Variants in CDH9 observed in about 807,000 individuals in gnomAD.
The protein encoded by CDH9 is cadherin 9.
A neutral mutation model predicts 70.9 loss-of-function variants in CDH9; 28 were observed. The ratio of observed to expected loss-of-function variants is 0.40; its 90% CI spans 0.29 to 0.54. The LOEUF (loss-of-function observed/expected upper bound fraction) is 0.54, where lower values mean the gene tolerates loss of function less well. Ranked by LOEUF, CDH9 falls within the 20% of genes least tolerant of loss-of-function variation. The pLI is 0.59. For synonymous variants in CDH9, 409 were observed against 343.1 expected (o/e 1.19, Z -2.12); for missense variants, 874 against 984.4 (o/e 0.89, Z 1.50).
At chr5:26,897,699 C>A (rs1378727553) in intron 7 of CDH9, among the ~76,000 whole-genome samples, 1 of 152,090 alleles carries the variant, frequency 6.6e-6, no homozygotes, top group Non-Finnish European at 1.5e-5. Context: ...ATGACAAACC[C>A]ACAGCCAATA....
At chr5:27,015,007 A>G (rs560995899) in intron 1 of CDH9, among the ~76,000 whole-genome samples, 1 of 152,076 alleles carries the variant, frequency 6.6e-6, no homozygotes, top group South Asian at 2.1e-4. Flanking sequence ...GTGCTTTAGA[A>G]GACTGCGATG....
intron 2 of CDH9, among the ~76,000 whole-genome samples, chr5:26,947,704 T>TCTA (rs1741777778): frequency 6.6e-6 from 1 of 152,050 alleles, no homozygotes; most frequent in Admixed American, 6.6e-5. Context: ...GAAATGCTGT[T>TCTA]TTAGAGAGCA....
intron 7 of CDH9, among the ~76,000 whole-genome samples, chr5:26,901,658 C>G (rs1226145475): frequency 2.0e-5 from 3 of 151,742 alleles, no homozygotes; most frequent in Non-Finnish European, 4.4e-5. Context: ...TATTGTCTAT[C>G]TCTTCAGCTG....
At chr5:26,913,936 A>G (rs910518911) in intron 3 of CDH9, among the ~76,000 whole-genome samples, 1 of 152,202 alleles carries the variant, frequency 6.6e-6, no homozygotes, top group East Asian at 1.9e-4. Flanking sequence ...TAGTCCATTA[A>G]GTATCAGAAA....
chr5:26,900,290 C>T (rs1740830972), intron 7 of CDH9, among the ~76,000 whole-genome samples: 1 of 152,024 alleles, frequency 6.6e-6, no homozygotes, highest in Non-Finnish European at 1.5e-5. Context: ...TCTGTGCAAA[C>T]TCTTTCAGAA....
At chr5:26,948,145 A>T (rs762333769) in intron 2 of CDH9, among the ~76,000 whole-genome samples, 7 of 152,334 alleles carry the variant, frequency 4.6e-5, no homozygotes, top group South Asian at 2.1e-4. Flanking sequence ...CTTAAAGTCC[A>T]AACAGTCTAC....
chr5:26,922,542 A>G (rs1741263304), intron 2 of CDH9, among the ~76,000 whole-genome samples: 1 of 152,078 alleles, frequency 6.6e-6, no homozygotes, highest in African/African-American at 2.4e-5. Context: ...TAGACAAACA[A>G]AAGTCAGGGG....
At chr5:26,957,563 G>A (rs1410551483) in intron 2 of CDH9, among the ~76,000 whole-genome samples, 1 of 152,106 alleles carries the variant, frequency 6.6e-6, no homozygotes. Context: ...TCAGGAGGCT[G>A]AGGAAGGAGA....
chr5:26,960,301 T>A (rs1199781118), intron 2 of CDH9, among the ~76,000 whole-genome samples: 1 of 151,980 alleles, frequency 6.6e-6, no homozygotes, highest in Non-Finnish European at 1.5e-5. Flanking sequence ...ATCTAAAAAT[T>A]ATGAATTAAA....
chr5:26,987,030 C>A (rs1742498375), intron 2 of CDH9, among the ~76,000 whole-genome samples: 1 of 149,804 alleles, frequency 6.7e-6, no homozygotes, highest in South Asian at 2.1e-4. Flanking sequence ...TTTCACAGAG[C>A]AAATGTATTC....
At chr5:27,006,170 A>G (rs1473873053) in intron 1 of CDH9, among the ~76,000 whole-genome samples, 11 of 152,154 alleles carry the variant, frequency 7.2e-5, no homozygotes, top group Admixed American at 7.2e-4. Context: ...CGAACCTATA[A>G]TAAAAGTTTT....
intron 2 of CDH9, among the ~76,000 whole-genome samples, chr5:26,947,868 A>T (rs778573571): frequency 1.5e-4 from 23 of 152,190 alleles, no homozygotes; most frequent in Non-Finnish European, 2.6e-4. Context: ...TGGCCAAGAC[A>T]CAGCAGGCTG....
At chr5:27,011,481 C>T (rs1579511680) in intron 1 of CDH9, among the ~76,000 whole-genome samples, 3 of 152,066 alleles carry the variant, frequency 2.0e-5, no homozygotes, top group Admixed American at 2.0e-4. Flanking sequence ...CTAGAAAAGA[C>T]AAAGAAAGAT....
intron 2 of CDH9, among the ~76,000 whole-genome samples, chr5:26,936,245 T>A (rs1216853494): frequency 6.6e-6 from 1 of 152,116 alleles, no homozygotes; most frequent in African/African-American, 2.4e-5. Flanking sequence ...GCCATTTAAA[T>A]AAAAATTTTT....
At chr5:26,891,096 A>G (rs1030436283) in intron 7 of CDH9, among the ~76,000 whole-genome samples, 2 of 152,150 alleles carry the variant, frequency 1.3e-5, no homozygotes, top group African/African-American at 4.8e-5. Context: ...CTTATTTCAA[A>G]TCAAAATGAA....
chr5:26,955,602 CTCTG>C (rs199627131), intron 2 of CDH9, among the ~76,000 whole-genome samples: 5,338 of 144,458 alleles, frequency 0.037, 335 homozygotes, highest in African/African-American at 0.14. Context: ...CTCTCTCTCT[CTCTG>C]TGTGTGTTTC....
At chr5:26,888,342 T>C (rs1469834249) in intron 9 of CDH9, among the ~76,000 whole-genome samples, 2 of 152,148 alleles carry the variant, frequency 1.3e-5, no homozygotes, top group Non-Finnish European at 2.9e-5. Flanking sequence ...TACCAGGTGG[T>C]AAACAAGCAA....
intron 2 of CDH9, among the ~76,000 whole-genome samples, chr5:26,929,345 G>A (rs10040525): frequency 0.096 from 14,565 of 152,004 alleles, 875 homozygotes; most frequent in East Asian, 0.17. Context: ...AATAACAGAT[G>A]CTGGTGAGGA....
At chr5:26,939,250 A>G (rs1741617474) in intron 2 of CDH9, among the ~76,000 whole-genome samples, 1 of 151,734 alleles carries the variant, frequency 6.6e-6, no homozygotes, top group Non-Finnish European at 1.5e-5. Flanking sequence ...AAAAAATATG[A>G]ACAGGTAAAA....
Sources: gnomAD v4.1 joint callset for allele counts (sites outside exome capture counted in the v4.1 genomes callset) on GRCh38, gnomAD v4.1.1 for gene constraint, MANE v1.5 for transcripts, NCBI Gene and HGNC (gene_info 2026-07-23, HGNC 2026-07-21) for gene names.